CD247: variants seen among roughly 807,000 people sequenced by gnomAD.
CD247 encodes the protein T-cell surface glycoprotein CD3 zeta chain.
A neutral mutation model predicts 30.0 loss-of-function variants in CD247; 13 were observed. The observed-to-expected ratio is 0.43, with a 90% CI of 0.28 to 0.69. The LOEUF (loss-of-function observed/expected upper bound fraction) is 0.69. CD247 is among the 30% of genes least tolerant of loss of function. CD247 has a pLI of 0.16. For synonymous variants in CD247, 72 were observed against 80.0 expected, an observed-to-expected ratio of 0.90 and a Z score of 0.53; for missense variants, 193 against 212.6, an observed-to-expected ratio of 0.91 and a Z score of 0.57.
chr1:167,463,129 G>A (rs1439852824), intron 1 of CD247, among the ~76,000 whole-genome samples: 2 of 152,130 alleles, frequency 1.3e-5, no homozygotes, highest in South Asian at 2.1e-4. Flanking sequence ...GCTTTTCTGC[G>A]TTGCCACTGA....
intron 1 of CD247, among the ~76,000 whole-genome samples, chr1:167,491,980 G>A (rs1480672405): frequency 6.6e-6 from 1 of 152,162 alleles, no homozygotes; most frequent in East Asian, 1.9e-4. Context: ...GGCGGGAATG[G>A]GGAGTTATGG....
intron 4 of CD247, among the ~76,000 whole-genome samples, chr1:167,435,747 C>A (rs1161508213): frequency 6.6e-6 from 1 of 152,240 alleles, no homozygotes; most frequent in Non-Finnish European, 1.5e-5. Flanking sequence ...GGACTTTTGG[C>A]TGAAGACAAA....
At chr1:167,517,660 T>C (rs1366225419) in intron 1 of CD247, among the ~76,000 whole-genome samples, 1 of 152,192 alleles carries the variant, frequency 6.6e-6, no homozygotes, top group African/African-American at 2.4e-5. Context: ...GTTCTGTCAA[T>C]GCCGGGCCCT....
intron 4 of CD247, among the ~76,000 whole-genome samples, chr1:167,436,669 A>G (rs1267177790): frequency 6.6e-6 from 1 of 152,250 alleles, no homozygotes; most frequent in Non-Finnish European, 1.5e-5. Flanking sequence ...AATAAATCAT[A>G]GATGAATAGA....
intron 1 of CD247, among the ~76,000 whole-genome samples, chr1:167,497,513 G>A (rs527353464): frequency 6.6e-6 from 1 of 152,238 alleles, no homozygotes; most frequent in East Asian, 1.9e-4. Flanking sequence ...CTAGGGCAGG[G>A]GAGGCTTTCT....
At chr1:167,455,499 C>G (rs1476081823) in intron 1 of CD247, among the ~76,000 whole-genome samples, 1 of 152,228 alleles carries the variant, frequency 6.6e-6, no homozygotes, top group East Asian at 1.9e-4. Flanking sequence ...AAGGTGGGCT[C>G]CCAGCCCCGT....
chr1:167,494,433 G>A lies in CD247; in HGVS notation c.58+23975C>T, dbSNP rs1654591707. ...CATAGCGGCTCCACTACACTAGTGT[G>A]AGGAGGACCTCGGGAGAAATCGCAT... On this transcript the variant is annotated intron_variant, in intron 1 of 7. Transcript: ENST00000362089. The surrounding 1 kb of genome is among the most constrained non-coding windows in gnomAD (Gnocchi z 7.3). Among the ~76,000 whole-genome samples, 1 of 152,212 alleles carries A rather than the reference G, an allele frequency of 6.6e-6. No individual in the cohort carries two copies. The highest frequency in any genetic ancestry group is 1.5e-5 in the Non-Finnish European group (1 of 68,038).
chr1:167,490,182 A>G (rs1654386366), intron 1 of CD247, among the ~76,000 whole-genome samples: 1 of 152,192 alleles, frequency 6.6e-6, no homozygotes, highest in Non-Finnish European at 1.5e-5. Flanking sequence ...TTTGGAAGGC[A>G]CGGGGCCTGG....
chr1:167,478,823 T>C (rs748163919), intron 1 of CD247, among the ~76,000 whole-genome samples: 1 of 152,366 alleles, frequency 6.6e-6, no homozygotes. Context: ...GCAGCAAGAT[T>C]CAAATTGTAT....
intron 1 of CD247, among the ~76,000 whole-genome samples, chr1:167,503,566 G>C (rs891910179): frequency 6.6e-5 from 10 of 152,228 alleles, no homozygotes; most frequent in African/African-American, 1.7e-4. Context: ...CCCTTCTTCA[G>C]TGCACTTAAA....
chr1:167,501,699 A>C (rs990877121), intron 1 of CD247, among the ~76,000 whole-genome samples: 1 of 152,214 alleles, frequency 6.6e-6, no homozygotes, highest in African/African-American at 2.4e-5. Flanking sequence ...GAGCCCTGGC[A>C]GCTGTGACCT....
chr1:167,462,618 G>T (rs1054360817), intron 1 of CD247, among the ~76,000 whole-genome samples: 1 of 152,222 alleles, frequency 6.6e-6, no homozygotes, highest in African/African-American at 2.4e-5. Flanking sequence ...CCTTTTGGGG[G>T]CCGATCCCTG....
At chr1:167,506,532 T>G (rs1655143674) in intron 1 of CD247, among the ~76,000 whole-genome samples, 1 of 151,960 alleles carries the variant, frequency 6.6e-6, no homozygotes, top group Admixed American at 6.6e-5. Context: ...TCTCTCTCTC[T>G]TTTTTATTTT....
chr1:167,518,102 A>G (rs1368946715), intron 1 of CD247, among the ~76,000 whole-genome samples: 2 of 152,078 alleles, frequency 1.3e-5, no homozygotes, highest in Non-Finnish European at 2.9e-5. Flanking sequence ...CCGTTTCTCT[A>G]CCCTGGGCCT....
chr1:167,507,734 G>A (rs750053161), intron 1 of CD247, among the ~76,000 whole-genome samples: 1 of 152,000 alleles, frequency 6.6e-6, no homozygotes, highest in Non-Finnish European at 1.5e-5. Context: ...GGCTCAGGAG[G>A]CTGAAGTGGT....
At chr1:167,496,742 G>A (rs1053376802) in intron 1 of CD247, among the ~76,000 whole-genome samples, 1 of 152,208 alleles carries the variant, frequency 6.6e-6, no homozygotes. Flanking sequence ...GTCTAATCAG[G>A]GACTGAGTCG....
chr1:167,502,608 C>T (rs1439197542), intron 1 of CD247, among the ~76,000 whole-genome samples: 1 of 152,172 alleles, frequency 6.6e-6, no homozygotes, highest in Non-Finnish European at 1.5e-5. Context: ...TATTGAAGTC[C>T]TAACACCCTC....
intron 1 of CD247, among the ~76,000 whole-genome samples, chr1:167,471,520 T>C (rs1044819751): frequency 6.6e-6 from 1 of 152,250 alleles, no homozygotes; most frequent in African/African-American, 2.4e-5. Flanking sequence ...ATAGTAGCAA[T>C]GTTGAACATT....
intron 1 of CD247, among the ~76,000 whole-genome samples, chr1:167,512,460 C>A (rs1418343498): frequency 6.6e-6 from 1 of 152,164 alleles, no homozygotes; most frequent in African/African-American, 2.4e-5. Context: ...AATTTCAAGA[C>A]CACACACAAC....
Sources: gnomAD v4.1 joint callset for allele counts (sites outside exome capture counted in the v4.1 genomes callset) on GRCh38, gnomAD v4.1.1 for gene constraint, Gnocchi (gnomAD v3.1) non-coding constraint, MANE v1.5 for transcripts, NCBI Gene and HGNC (gene_info 2026-07-23, HGNC 2026-07-21) for gene names.